The following MCUB variants were observed in gnomAD, a reference collection of about 807,000 sequenced individuals.
MCUB encodes calcium uniporter regulatory subunit MCUb, mitochondrial.
Under a neutral mutation model 41.4 loss-of-function variants are expected in MCUB, and 46 were observed. The observed-to-expected ratio is 1.11, with a 90% confidence interval of 0.88 to 1.42. The LOEUF (loss-of-function observed/expected upper bound fraction) is 1.42, where lower values mean the gene tolerates loss of function less well. Among genes scored for constraint, MCUB ranks in the 40% most tolerant of loss-of-function variants. The probability of loss-of-function intolerance (pLI) is 0.00; values close to 1 mark genes in which losing one functional copy is unlikely to be tolerated. For synonymous variants in MCUB, 148 were observed against 148.2 expected, an observed-to-expected ratio of 1.00 and a Z score of 0.01; for missense variants, 403 against 404.9, an observed-to-expected ratio of 1.00 and a Z score of 0.04.
intron 1 of MCUB, among the ~76,000 whole-genome samples, chr4:109,632,798 A>G (rs1395778538): frequency 3.3e-5 from 5 of 151,934 alleles, no homozygotes; most frequent in Non-Finnish European, 7.4e-5. Context: ...TATTTTTAGT[A>G]GAGACAGGGT....
intron 1 of MCUB, among the ~76,000 whole-genome samples, chr4:109,569,220 A>G (rs992265121): frequency 6.7e-6 from 1 of 150,014 alleles, no homozygotes; most frequent in Non-Finnish European, 1.5e-5. Flanking sequence ...CCAATTTTTT[A>G]TATTTTTAGT....
At chr4:109,580,032 C>T (rs889482406) in intron 1 of MCUB, among the ~76,000 whole-genome samples, 1 of 152,060 alleles carries the variant, frequency 6.6e-6, no homozygotes, top group Non-Finnish European at 1.5e-5. Flanking sequence ...CTCCCCTTGC[C>T]CCCCACCCCA....
Position 109,569,326 on chromosome 4 carries a change from G to A in MCUB, c.99+8890G>A, listed in dbSNP as rs10006379. ...CTCCCAAAGTGCTGAGATTACAGGC[G>A]TTAGCCACTGCGCCTGGCCATGAAT... On this transcript the variant is annotated intron_variant, in intron 1 of 7. Coordinates refer to ENST00000394650, the MANE Select transcript of MCUB (RefSeq NM_017918.5). Among the ~76,000 whole-genome samples the A allele has an allele frequency of 1.1e-3, 174 of 152,148 alleles. 3 individuals are homozygous for A. Among genetic ancestry groups the A allele is most frequent in the African/African-American group, 3.8e-3 (159 of 41,528 alleles).
chr4:109,687,375 TA>T (rs1362221748), intron 7 of MCUB, 139 bp from the exon 8 acceptor site: 7 of 585,662 alleles, frequency 1.2e-5, no homozygotes, highest in African/African-American at 3.8e-5. Context: ...AATATATATA[TA>T]TTTCAGCCAT....
intron 1 of MCUB, among the ~76,000 whole-genome samples, chr4:109,621,322 G>A (rs536337089): frequency 1.1e-4 from 17 of 152,286 alleles, no homozygotes; most frequent in Middle Eastern, 6.8e-3. Context: ...GAGGAGTAAT[G>A]ATTAAGATAC....
intron 7 of MCUB, among the ~76,000 whole-genome samples, chr4:109,686,266 T>C (rs1050983475): frequency 8.6e-5 from 13 of 152,026 alleles, no homozygotes; most frequent in Non-Finnish European, 1.5e-5. Context: ...GCCTCCTGAG[T>C]TAGCTGTGAT....
In MCUB at chr4:109,560,345, A is replaced by G; in HGVS notation, c.8A>G (p.Gln3Arg). The G allele has an allele frequency of 1.5e-6, 2 of 1,299,968 alleles. No homozygotes were observed. The highest frequency in any genetic ancestry group is 2.0e-6 in the Non-Finnish European group (2 of 1,024,616). 80.5% of individuals were successfully genotyped at this position (1,299,968 alleles called of 1,614,324 possible). A position where few individuals can be genotyped will look rare whatever the true frequency, so the allele number is the denominator to read the frequency against. ML[Q>R]RGLWPWRTRL... ...CGCGCCTGGGGCGGGAGGATGCTCC[A>G]GAGGGGCCTCTGGCCGTGGCGCACG... The change falls in exon 1 of 8, where the codon CAG becomes CGG. Residue 3 changes from glutamine (Q) to arginine (R), a missense_variant. By Grantham distance (43) the Gln-to-Arg change is conservative (BLOSUM62 1). Coordinates refer to ENST00000394650, the MANE Select transcript of MCUB (RefSeq NM_017918.5).
intron 1 of MCUB, among the ~76,000 whole-genome samples, chr4:109,608,670 A>G (rs1289248334): frequency 1.3e-5 from 2 of 150,586 alleles, no homozygotes; most frequent in East Asian, 3.9e-4. Flanking sequence ...TATTATTATT[A>G]TTGTTTTTTT....
intron 1 of MCUB, among the ~76,000 whole-genome samples, chr4:109,601,563 G>A (rs556088878): frequency 3.2e-4 from 48 of 152,168 alleles, no homozygotes; most frequent in African/African-American, 1.1e-3. Flanking sequence ...TGCAAATGAC[G>A]AGATCTCATT....
chr4:109,597,440 G>C (rs1579057034), intron 1 of MCUB, among the ~76,000 whole-genome samples: 4 of 141,922 alleles, frequency 2.8e-5, no homozygotes, highest in Non-Finnish European at 4.7e-5. Flanking sequence ...CCCGGACGGG[G>C]CGGCTGGCCG....
At chr4:109,623,425 G>A (rs945449199) in intron 1 of MCUB, among the ~76,000 whole-genome samples, 1 of 152,174 alleles carries the variant, frequency 6.6e-6, no homozygotes, top group African/African-American at 2.4e-5. Context: ...GCTTCAAAAG[G>A]CATCATAATT....
In MCUB at chr4:109,687,633, T is replaced by C. The variant is rs769634572; in HGVS notation, c.*41T>C. 7.5e-7 allele frequency: 1 copy of C among 1,339,100 alleles called. No individual in the cohort carries two copies. Among genetic ancestry groups the C allele is most frequent in the Non-Finnish European group, 1.1e-6 (1 of 939,284 alleles). The allele number at this position is 1,339,100 out of a possible 1,614,324, so 83.0% of individuals were successfully genotyped here. A position where few individuals can be genotyped will look rare whatever the true frequency, so the allele number is the denominator to read the frequency against. On this transcript the variant is annotated 3_prime_UTR_variant, in exon 8 of 8. Coordinates refer to ENST00000394650, the MANE Select transcript of MCUB (RefSeq NM_017918.5). ...TGTCGTCAGATTTTCCATTATGTATTGATTTTGCAACTTAGGATGTTTTTG... is the reference window on the plus strand; with the variant it reads ...TGTCGTCAGATTTTCCATTATGTATCGATTTTGCAACTTAGGATGTTTTTG...
At chr4:109,575,390 G>A (rs1480454819) in intron 1 of MCUB, among the ~76,000 whole-genome samples, 1 of 152,202 alleles carries the variant, frequency 6.6e-6, no homozygotes, top group East Asian at 1.9e-4. Context: ...ACTGTTTGTT[G>A]TGAGGTTTTG....
At chr4:109,642,728 C>T (rs1419400371) in intron 1 of MCUB, among the ~76,000 whole-genome samples, 1 of 152,022 alleles carries the variant, frequency 6.6e-6, no homozygotes, top group Non-Finnish European at 1.5e-5. Context: ...TTTCCTAATG[C>T]TTCTAGAATA....
rs1729790366 is a variant in MCUB, at chr4:109,684,489, T to C, written c.659T>C (p.Leu220Pro). ...CATTCGGAAGCCAAAACCAGTGGACTCCTGTGGGCTGGATTGGCACTGCTG... is the reference window on the plus strand; with the variant it reads ...CATTCGGAAGCCAAAACCAGTGGACCCCTGTGGGCTGGATTGGCACTGCTG... ...EAHSEAKTSG[L>P]LWAGLALLSI... The change falls in exon 6 of 8, where the codon CTC (leucine) becomes CCC (proline). Residue 220 changes from leucine to proline, a missense_variant. Coordinates refer to ENST00000394650, the MANE Select transcript of MCUB (RefSeq NM_017918.5). The C allele has an allele frequency of 6.2e-7, 1 of 1,613,674 alleles. No individual in the cohort carries two copies. The highest frequency in any genetic ancestry group is 1.3e-5 in the African/African-American group (1 of 74,902).
At chr4:109,670,724 A>G (rs1488264167) in intron 4 of MCUB, among the ~76,000 whole-genome samples, 1 of 151,924 alleles carries the variant, frequency 6.6e-6, no homozygotes, top group Non-Finnish European at 1.5e-5. Flanking sequence ...GTCTCCAAAA[A>G]AAAAAAAGAA....
chr4:109,661,097 T>G (rs1439438368), intron 3 of MCUB, among the ~76,000 whole-genome samples: 2 of 152,184 alleles, frequency 1.3e-5, no homozygotes, highest in South Asian at 2.1e-4. Flanking sequence ...TCTAGTATGT[T>G]TTTTGGCAGA....
At chr4:109,568,358 A>G (rs1726830181) in intron 1 of MCUB, among the ~76,000 whole-genome samples, 1 of 152,204 alleles carries the variant, frequency 6.6e-6, no homozygotes, top group African/African-American at 2.4e-5. Context: ...CAGTTGAACC[A>G]GAGCCATGGC....
At position 109,598,547 on chromosome 4, in the gene MCUB, T is replaced by C. The variant is rs1002966988; in HGVS notation, c.99+38111T>C. Among the ~76,000 whole-genome samples, 13 of 152,076 alleles carry C rather than the reference T, an allele frequency of 8.5e-5. No individual in the cohort carries two copies. In the East Asian group the frequency reaches 1.9e-3, roughly 23 times the overall value. ...TTGCAGTGAGCCGAGATGGCAGCAG[T>C]ACAGTCCAGCTTCGGCTGGGCATGA... On this transcript the variant is annotated intron_variant, in intron 1 of 7. Transcript: ENST00000394650.
Sources: allele counts gnomAD v4.1 joint callset (sites outside exome capture counted in the v4.1 genomes callset), GRCh38; gene constraint gnomAD v4.1.1; transcripts MANE v1.5; gene names NCBI Gene and HGNC (gene_info 2026-07-23, HGNC 2026-07-21).